OR10A3: variants seen among roughly 807,000 people sequenced by gnomAD.
The protein encoded by OR10A3 is olfactory receptor family 10 subfamily A member 3.
In OR10A3, 1 loss-of-function variant was observed where a neutral mutation model predicts 1.5. That is an observed-to-expected ratio of 0.66 (90% CI 0.23 to 3.11). The LOEUF (loss-of-function observed/expected upper bound fraction) is 3.11, where lower values mean the gene tolerates loss of function less well. Among genes scored for constraint, OR10A3 ranks in the 30% most tolerant of loss-of-function variants. The probability of loss-of-function intolerance (pLI) is 0.21; values close to 1 mark genes in which losing one functional copy is unlikely to be tolerated. For synonymous variants in OR10A3, 145 were observed against 143.7 expected (o/e 1.01, Z -0.06); for missense variants, 398 against 369.7 (o/e 1.08, Z -0.63).
In OR10A3 at chr11:7,939,583, C is replaced by T. The variant is rs4758259; in HGVS notation, c.-63G>A. On this transcript the variant is annotated 5_prime_UTR_variant, in exon 2 of 2. The change creates a premature stop within an existing upstream ORF in the 5' untranslated region. Transcript: ENST00000642047. ...GTATATCGAGTATGAAGTCGTAATC[C>T]CATAGCTGTGAGTTCAAGTCTGGAA... is the stretch of plus-strand genomic sequence containing the variant. 448,813 of 1,272,260 alleles carry T rather than the reference C, an allele frequency of 0.35. 81,612 individuals are homozygous for T. Among genetic ancestry groups the T allele is most frequent in the Admixed American group, 0.43 (17,444 of 40,644 alleles). The allele number at this position is 1,272,260 out of a possible 1,614,324, so 78.8% of individuals were successfully genotyped here.
Sources: gnomAD v4.1 joint callset for allele counts on GRCh38, gnomAD v4.1.1 for gene constraint, MANE v1.5 for transcripts, NCBI Gene and HGNC (gene_info 2026-07-23, HGNC 2026-07-21) for gene names.